OSBPL5: variants seen among roughly 807,000 people sequenced by gnomAD.
The protein encoded by OSBPL5 is oxysterol binding protein like 5.
A neutral mutation model predicts 111.2 loss-of-function variants in OSBPL5; 71 were observed. That is an observed-to-expected ratio of 0.64 (90% CI 0.53 to 0.78). The LOEUF (loss-of-function observed/expected upper bound fraction) is 0.78, where lower values mean the gene tolerates loss of function less well. Ranked by LOEUF, OSBPL5 falls within the 30% of genes least tolerant of loss-of-function variation. The probability of loss-of-function intolerance (pLI) is 0.00; values close to 1 mark genes in which losing one functional copy is unlikely to be tolerated. For missense variants in OSBPL5, 1,210 were observed against 1,189.3 expected (o/e 1.02, Z -0.26); for synonymous variants, 549 against 513.9 (o/e 1.07, Z -0.93).
chr11:3,095,503 G>A (rs538673507), intron 14 of OSBPL5, among the ~76,000 whole-genome samples: 1 of 152,248 alleles, frequency 6.6e-6, no homozygotes, highest in African/African-American at 2.4e-5. Flanking sequence ...TACCAGCAGA[G>A]GTACTGGGGT....
At chr11:3,149,029 C>T (rs1337818496) in intron 1 of OSBPL5, among the ~76,000 whole-genome samples, 3 of 152,206 alleles carry the variant, frequency 2.0e-5, no homozygotes, top group Non-Finnish European at 4.4e-5. Flanking sequence ...GGCTCAGAAC[C>T]TGCCCCAGCC....
In OSBPL5 at chr11:3,109,485, G is replaced by A. The variant is rs1184458369; in HGVS notation, c.692-1540C>T. On this transcript the variant is annotated intron_variant, in intron 7 of 21. Coordinates refer to ENST00000263650, the MANE Select transcript of OSBPL5 (RefSeq NM_020896.4). This position sits in a 1 kb window ranked among gnomAD's most constrained non-coding sequence, Gnocchi z 7.4. ...TGCCTCTCTGAGCCTCTGCCTTTTC[G>A]AGCTCCTGGAGACAGTGAGTTTTTC... 2.0e-5 allele frequency among the ~76,000 whole-genome samples: 3 copies of A among 152,140 alleles called. No homozygotes were observed. The highest frequency in any genetic ancestry group is 4.1e-4 in the South Asian group (2 of 4,822).
At chr11:3,160,672 T>TGCCCCCCCCCCCCCCCCCCCCCCC (rs1846933748) in intron 1 of OSBPL5, among the ~76,000 whole-genome samples, 2 of 122,530 alleles carry the variant, frequency 1.6e-5, no homozygotes, top group African/African-American at 3.1e-5. Context: ...ATGACAACCC[T>TGCCCCCCCCCCCCCCCCCCCCCCC]CCCCCCCCCC....
chr11:3,120,296 G>T (rs961748167), intron 6 of OSBPL5, 125 bp downstream of exon 6: 2 of 1,198,780 alleles, frequency 1.7e-6, no homozygotes, highest in African/African-American at 3.0e-5. Context: ...CAGAGAAGGT[G>T]AGACACCTGC....
chr11:3,111,993 G>A (rs1367475601), intron 7 of OSBPL5, among the ~76,000 whole-genome samples: 7 of 112,832 alleles, frequency 6.2e-5, no homozygotes, highest in African/African-American at 2.1e-4. Flanking sequence ...GCATGTGTGT[G>A]CATGTGTGTG....
Position 3,090,631 on chromosome 11 carries a change from C to T in OSBPL5, c.2325G>A (p.Thr775=), listed in dbSNP as rs551416615. 1.4e-5 allele frequency: 23 copies of T among 1,612,998 alleles called. No individual in the cohort carries two copies. Among genetic ancestry groups the T allele is most frequent in the Non-Finnish European group, 1.7e-5 (20 of 1,179,964 alleles). ...ACTCAGGCGTGGATCCGCTGCTCTC[C>T]GTGGCCTGGCTGTGGCCGGAGGGCT... ...SDQPSGHSQA[T]ESSGSTPESC... is the part of the protein sequence containing the mutation. The change falls in exon 20 of 22, where the codon ACG becomes ACA. Residue 775 remains threonine (T), a synonymous_variant. Coordinates refer to ENST00000263650, the MANE Select transcript of OSBPL5 (RefSeq NM_020896.4).
rs1858645928 is a variant in OSBPL5, at chr11:3,126,844, T to A, written c.137-289A>T. Among the ~76,000 whole-genome samples the A allele has an allele frequency of 6.6e-6, 1 of 152,118 alleles. No homozygotes were observed. The highest frequency in any genetic ancestry group is 1.5e-5 in the Non-Finnish European group (1 of 68,002). On this transcript the variant is annotated intron_variant, in intron 2 of 21. Coordinates refer to ENST00000263650, the MANE Select transcript of OSBPL5 (RefSeq NM_020896.4). This position sits in a 1 kb window ranked among gnomAD's most constrained non-coding sequence, Gnocchi z 6.5. ...AACCGGCATCCTGGGCCTGCTGTAG[T>A]GTGCAATTGGGGGTCTGTGAAGGCC... is the stretch of plus-strand genomic sequence containing the variant.
intron 2 of OSBPL5, 36 bp downstream of exon 2, chr11:3,128,977 G>T: frequency 1.4e-6 from 2 of 1,476,040 alleles, no homozygotes; most frequent in Non-Finnish European, 9.0e-7. Context: ...GGCCCAAGCT[G>T]AGGGCCAGGT....
At chr11:3,134,187 A>C (rs1331813976) in intron 1 of OSBPL5, among the ~76,000 whole-genome samples, 1 of 152,272 alleles carries the variant, frequency 6.6e-6, no homozygotes, top group East Asian at 1.9e-4. Flanking sequence ...TCCTCTTCCA[A>C]TGTCACATCA....
intron 14 of OSBPL5, chr11:3,094,660 G>A: frequency 3.6e-6 from 1 of 279,498 alleles, no homozygotes; most frequent in South Asian, 5.2e-5. Flanking sequence ...CATGTCAGGT[G>A]TCGCCTCCTG....
chr11:3,119,286 C>T (rs1320229391), intron 7 of OSBPL5, among the ~76,000 whole-genome samples: 1 of 152,238 alleles, frequency 6.6e-6, no homozygotes, highest in African/African-American at 2.4e-5. Flanking sequence ...GCTGGGATTA[C>T]AGGTGTGAGC....
rs897772275 is a variant in OSBPL5 at position 3,154,065 on chromosome 11, G to A, written c.-22+11151C>T. Among the ~76,000 whole-genome samples, 3 of 152,202 alleles carry A rather than the reference G, an allele frequency of 2.0e-5. No homozygotes were observed. Among genetic ancestry groups the A allele is most frequent in the African/African-American group, 7.2e-5 (3 of 41,454 alleles). ...GAAGGTCTGTGCCCGGGAAACACAT[G>A]GCATTCAAACCGCCGCTGGTGTGTG... On this transcript the variant is annotated intron_variant, in intron 1 of 21. Transcript: ENST00000263650. This position sits in a 1 kb window ranked among gnomAD's most constrained non-coding sequence, Gnocchi z 4.9.
chr11:3,100,825 C>G (rs2134404719), intron 13 of OSBPL5, among the ~76,000 whole-genome samples: 1 of 152,264 alleles, frequency 6.6e-6, no homozygotes, highest in Non-Finnish European at 1.5e-5. Context: ...CTTTTCTGAG[C>G]ACCCAAGTCT....
At chr11:3,096,226 G>A (rs1225554457) in intron 14 of OSBPL5, among the ~76,000 whole-genome samples, 1 of 152,234 alleles carries the variant, frequency 6.6e-6, no homozygotes, top group African/African-American at 2.4e-5. Flanking sequence ...ACACAGGCAC[G>A]TGGCAGCTGG....
chr11:3,158,015 C>T (rs999411199), intron 1 of OSBPL5, among the ~76,000 whole-genome samples: 2 of 152,218 alleles, frequency 1.3e-5, no homozygotes, highest in African/African-American at 2.4e-5. Context: ...GGCTGCCGGG[C>T]TGGGGAGAAT....
chr11:3,093,191 T>TTCAAAGTAGTG, intron 17 of OSBPL5, 139 bp from the exon 18 acceptor site: 1 of 939,308 alleles, frequency 1.1e-6, no homozygotes, highest in Non-Finnish European at 1.5e-6. Context: ...GGGAGCTCAC[T>TTCAAAGTAGTG]ACTTTGAAGA....
At chr11:3,158,945 G>C (rs1443073387) in intron 1 of OSBPL5, among the ~76,000 whole-genome samples, 2 of 152,180 alleles carry the variant, frequency 1.3e-5, no homozygotes, top group East Asian at 1.9e-4. Context: ...CCGCAGGTGT[G>C]GGGGTTGCGG....
intron 7 of OSBPL5, among the ~76,000 whole-genome samples, chr11:3,116,782 G>A (rs1437434852): frequency 1.3e-5 from 2 of 151,090 alleles, no homozygotes; most frequent in Non-Finnish European, 2.9e-5. Context: ...TTGAACCCAG[G>A]AGGTGGAGGT....
rs186119006 is a variant in OSBPL5, at chr11:3,133,917, C to T, written c.-21-4748G>A. ...GACCCCAAGGTCCCCTAAGGAGGCT[C>T]ATTCTGGAGGCCAGGCCAGGAGGCC... On this transcript the variant is annotated intron_variant, in intron 1 of 21. Transcript: ENST00000263650. 2.7e-3 allele frequency among the ~76,000 whole-genome samples: 417 copies of T among 152,096 alleles called. 2 individuals carry two copies. The highest frequency in any genetic ancestry group is 9.7e-3 in the African/African-American group (404 of 41,526).
Sources: allele counts gnomAD v4.1 joint callset (sites outside exome capture counted in the v4.1 genomes callset), GRCh38; gene constraint gnomAD v4.1.1; non-coding constraint Gnocchi (gnomAD v3.1); transcripts MANE v1.5; gene names NCBI Gene and HGNC (gene_info 2026-07-23, HGNC 2026-07-21).